Variants in PTPRD observed in about 807,000 individuals in gnomAD.
PTPRD encodes receptor-type tyrosine-protein phosphatase delta.
PTPRD carries 34 observed loss-of-function variants against 214.5 expected under a neutral mutation model. The ratio of observed to expected loss-of-function variants is 0.16; its 90% CI spans 0.12 to 0.21. The LOEUF (loss-of-function observed/expected upper bound fraction) is 0.21. Ranked by LOEUF, PTPRD falls within the 10% of genes least tolerant of loss-of-function variation. The pLI is 1.00. For missense variants in PTPRD, 2,545 were observed against 2,398.7 expected, an observed-to-expected ratio of 1.06 and a Z score of -1.27; for synonymous variants, 1,128 against 845.7, an observed-to-expected ratio of 1.33 and a Z score of -5.79.
chr9:10,548,584 C>G (rs2060645631), intron 2 of PTPRD, among the ~76,000 whole-genome samples: 1 of 152,194 alleles, frequency 6.6e-6, no homozygotes, highest in South Asian at 2.1e-4. Context: ...AAGCACTGAC[C>G]ATGTGGTGTC....
At chr9:8,977,811 A>C (rs1378292888) in intron 11 of PTPRD, among the ~76,000 whole-genome samples, 1 of 152,012 alleles carries the variant, frequency 6.6e-6, no homozygotes, top group Non-Finnish European at 1.5e-5. Flanking sequence ...TTATCAAAGA[A>C]ATGAGGAGAT....
chr9:10,080,306 A>G (rs931412187), intron 3 of PTPRD, among the ~76,000 whole-genome samples: 1 of 152,090 alleles, frequency 6.6e-6, no homozygotes, highest in Non-Finnish European at 1.5e-5. Flanking sequence ...AATAATGACA[A>G]TTTCACCAGA....
chr9:9,536,746 A>G (rs1304414693), intron 8 of PTPRD, among the ~76,000 whole-genome samples: 1 of 152,076 alleles, frequency 6.6e-6, no homozygotes, highest in African/African-American at 2.4e-5. Context: ...AAAGTGACAG[A>G]GCACAGTGAC....
intron 10 of PTPRD, among the ~76,000 whole-genome samples, chr9:9,170,718 C>T (rs778227032): frequency 6.6e-6 from 1 of 152,148 alleles, no homozygotes; most frequent in African/African-American, 2.4e-5. Flanking sequence ...AAAAGGAATG[C>T]ACTAAATATA....
At chr9:9,296,880 A>G (rs981819643) in intron 9 of PTPRD, among the ~76,000 whole-genome samples, 20 of 151,782 alleles carry the variant, frequency 1.3e-4, no homozygotes, top group Non-Finnish European at 4.4e-5. Flanking sequence ...ACTAAGTAAT[A>G]TGGGAGGTTC....
intron 12 of PTPRD, among the ~76,000 whole-genome samples, chr9:8,647,473 ATG>A (rs1293377695): frequency 6.6e-6 from 1 of 152,188 alleles, no homozygotes; most frequent in Non-Finnish European, 1.5e-5. Context: ...AATATCTTTT[ATG>A]ACCACAAATA....
intron 12 of PTPRD, among the ~76,000 whole-genome samples, chr9:8,646,250 T>C (rs1042402118): frequency 6.6e-5 from 10 of 152,334 alleles, no homozygotes; most frequent in African/African-American, 2.4e-4. Context: ...AGGTGCTTCA[T>C]CTCGACAATC....
At chr9:9,546,056 G>C (rs2078725860) in intron 8 of PTPRD, among the ~76,000 whole-genome samples, 1 of 151,440 alleles carries the variant, frequency 6.6e-6, no homozygotes, top group South Asian at 2.1e-4. Context: ...AATATACATG[G>C]TATTGTGTTT....
chr9:8,862,349 C>G (rs570448318), intron 11 of PTPRD: 1 of 152,334 alleles, frequency 6.6e-6, no homozygotes, highest in South Asian at 2.1e-4. Flanking sequence ...GAGCCAGACT[C>G]TGTCTCAAGA....
intron 7 of PTPRD, among the ~76,000 whole-genome samples, chr9:9,603,842 ATTT>A (rs33988009): frequency 1.4e-4 from 21 of 149,780 alleles, no homozygotes; most frequent in South Asian, 2.1e-4. Flanking sequence ...TGTGAAATAC[ATTT>A]TTTTTTTTAA....
rs1485501417 is a variant in PTPRD at position 10,363,991 on chromosome 9, G to GTTTTTTTGTTTTTTTTTTTT, written c.-599-22975_-599-22974insAAAAAAAAAAAACAAAAAAA. 1.0e-3 allele frequency among the ~76,000 whole-genome samples: 36 copies of GTTTTTTTGTTTTTTTTTTTT among 35,124 alleles called. 8 individuals are homozygous for GTTTTTTTGTTTTTTTTTTTT. Among genetic ancestry groups the GTTTTTTTGTTTTTTTTTTTT allele is most frequent in the Admixed American group, 3.4e-3 (12 of 3,512 alleles). The allele number at this position is 35,124 out of a possible 152,430, so 23.0% of individuals were successfully genotyped here. A position where few individuals can be genotyped will look rare whatever the true frequency, so the allele number is the denominator to read the frequency against. Reference sequence around the variant, plus strand: ...ATTATTATTGCCTCCACATTTTCGGGTTTTTTTTTTTTTTTTTTTTTTTTT... The same window carrying GTTTTTTTGTTTTTTTTTTTT: ...ATTATTATTGCCTCCACATTTTCGGGTTTTTTTGTTTTTTTTTTTTTTTTTTTTTTTTTTTTTTTTTTTTT... On this transcript the variant is annotated intron_variant, in intron 2 of 45. Transcript: ENST00000381196.
chr9:10,053,401 G>A (rs1457382703), intron 3 of PTPRD, among the ~76,000 whole-genome samples: 3 of 152,158 alleles, frequency 2.0e-5, no homozygotes, highest in Non-Finnish European at 4.4e-5. Flanking sequence ...TTTTACAAGT[G>A]AGGGAACTTG....
chr9:9,633,285 G>C (rs1438203101), intron 7 of PTPRD, among the ~76,000 whole-genome samples: 3 of 151,716 alleles, frequency 2.0e-5, no homozygotes, highest in Non-Finnish European at 2.9e-5. Context: ...CTGGGAGAGA[G>C]AGTGAGACTC....
At chr9:9,860,582 C>G (rs1403356601) in intron 5 of PTPRD, among the ~76,000 whole-genome samples, 3 of 152,158 alleles carry the variant, frequency 2.0e-5, no homozygotes, top group South Asian at 2.1e-4. Flanking sequence ...TTATGCCTAG[C>G]TTGCAAGAAT....
chr9:9,179,968 A>T (rs983263673), intron 10 of PTPRD, among the ~76,000 whole-genome samples: 3 of 152,228 alleles, frequency 2.0e-5, no homozygotes, highest in African/African-American at 7.2e-5. Flanking sequence ...TAAATGTTAA[A>T]ATATTTAAGG....
At chr9:9,869,545 T>A (rs142395668) in intron 5 of PTPRD, among the ~76,000 whole-genome samples, 5 of 152,098 alleles carry the variant, frequency 3.3e-5, no homozygotes, top group Non-Finnish European at 7.4e-5. Context: ...TCTGACATTG[T>A]ATGTTTCCTG....
chr9:9,948,097 G>C (rs1208636071), intron 4 of PTPRD, among the ~76,000 whole-genome samples: 1 of 151,946 alleles, frequency 6.6e-6, no homozygotes, highest in South Asian at 2.1e-4. Context: ...GAGTAGTCAA[G>C]ATTTTTATTG....
chr9:9,514,117 C>T (rs2096777881), intron 8 of PTPRD, among the ~76,000 whole-genome samples: 1 of 151,936 alleles, frequency 6.6e-6, no homozygotes, highest in South Asian at 2.1e-4. Context: ...TGTTGTTGCC[C>T]CCAAATTTAT....
chr9:10,449,865 G>C (rs1300273518), intron 2 of PTPRD, among the ~76,000 whole-genome samples: 1 of 151,790 alleles, frequency 6.6e-6, no homozygotes, highest in East Asian at 1.9e-4. Context: ...GAAAGAAGTA[G>C]ACATAGGAGA....
Sources: allele counts gnomAD v4.1 joint callset (sites outside exome capture counted in the v4.1 genomes callset), GRCh38; gene constraint gnomAD v4.1.1; transcripts MANE v1.5; gene names NCBI Gene and HGNC (gene_info 2026-07-23, HGNC 2026-07-21).